ACAP3: variants seen among roughly 807,000 people sequenced by gnomAD.
ACAP3 encodes the protein arf-GAP with coiled-coil, ANK repeat and PH domain-containing protein 3.
ACAP3 carries 56 observed loss-of-function variants against 104.1 expected under a neutral mutation model. That is an observed-to-expected ratio of 0.54 (90% CI 0.43 to 0.67). The LOEUF (loss-of-function observed/expected upper bound fraction) is 0.67. ACAP3 is among the 30% of genes least tolerant of loss of function. The pLI is 0.00. For missense variants in ACAP3, 1,208 were observed against 1,174.9 expected (o/e 1.03, Z -0.41); for synonymous variants, 628 against 496.2 (o/e 1.27, Z -3.53).
At chr1:1,307,273 C>A in intron 1 of ACAP3, 1 of 1,288,676 alleles carries the variant, frequency 7.8e-7, no homozygotes, top group Non-Finnish European at 1.0e-6. Context: ...CGCCGCTCTT[C>A]TCGGCCGCCA....
chr1:1,304,429 G>C, intron 1 of ACAP3: 1 of 547,020 alleles, frequency 1.8e-6, no homozygotes, highest in African/African-American at 1.9e-5. Flanking sequence ...AGTCCCTCAG[G>C]GACAGTGCCC....
At chr1:1,302,833 C>G (rs1011225753) in intron 4 of ACAP3, 89 bp downstream of exon 4, 43 of 773,052 alleles carry the variant, frequency 5.6e-5, no homozygotes, top group Non-Finnish European at 7.8e-5. Context: ...AACGTGCCCC[C>G]CCCAACCCGA....
intron 5 of ACAP3, 40 bp from the exon 6 acceptor site, chr1:1,300,732 G>T (rs1312916020): frequency 1.9e-6 from 3 of 1,578,032 alleles, no homozygotes; most frequent in South Asian, 1.2e-5. Context: ...GATCAGGGAG[G>T]GCACCTGCTG....
intron 1 of ACAP3, chr1:1,304,464 C>T (rs940027781): frequency 1.6e-5 from 8 of 490,538 alleles, no homozygotes; most frequent in South Asian, 4.2e-5. Flanking sequence ...CAGCCTCACC[C>T]GCCTCTCCTC....
chr1:1,293,965 G>GCA (rs1553161509), intron 22 of ACAP3, 32 bp from the exon 23 acceptor site: 1 of 1,467,122 alleles, frequency 6.8e-7, no homozygotes, highest in Non-Finnish European at 9.1e-7. Context: ...GCGTGTCGGG[G>GCA]CGGGGCGGGG....
rs2274264 is a variant in ACAP3, at chr1:1,307,088, G to A, written c.47+681C>T. ...GGTGCGCACTTGGGGATGCAGAGAG[G>A]TTTCTTTGCCTCCATTGTCGTTTGC... On this transcript the variant is annotated intron_variant, in intron 1 of 23. Transcript: ENST00000354700. 0.043 allele frequency: 41,722 copies of A among 979,458 alleles called. 5,554 individuals carry two copies. In the East Asian group the frequency reaches 0.57, roughly 13 times the overall value. The allele number at this position is 979,458 out of a possible 1,614,324, so 60.7% of individuals were successfully genotyped here.
At position 1,303,122 on chromosome 1, in the gene ACAP3, C is replaced by A. The variant is rs746584860; in HGVS notation, c.225+40G>T. The stretch of plus-strand genomic sequence containing the variant: ...GGGGCTGCCTCCCTCGGCCTCTCCC[C>A]CAACCCCACCTTGAGGTCAGAGGTC... On this transcript the variant is annotated intron_variant, in intron 3 of 23. Transcript: ENST00000354700. The surrounding 1 kb of genome is among the most constrained non-coding windows in gnomAD (Gnocchi z 4.0). 2 of 1,569,854 alleles carry A rather than the reference C, an allele frequency of 1.3e-6. No individual in the cohort carries two copies. Among genetic ancestry groups the A allele is most frequent in the East Asian group, 2.4e-5 (1 of 42,452 alleles).
chr1:1,304,764 C>G (rs1641616150), intron 1 of ACAP3: 1 of 152,960 alleles, frequency 6.5e-6, no homozygotes, highest in Admixed American at 6.5e-5. Context: ...GACAGCCTGA[C>G]AGTGGGGCTG....
At chr1:1,299,184 T>C (rs1641332226) in intron 10 of ACAP3, 161 bp downstream of exon 10, 1 of 946,496 alleles carries the variant, frequency 1.1e-6, no homozygotes, top group Non-Finnish European at 1.6e-6. Context: ...AATGTGGAGG[T>C]CTGGCCGGAG....
Position 1,294,477 on chromosome 1 carries a change from C to T in ACAP3, c.2064G>A (p.Leu688=). ...ARDLPALAAA[L]AHGAEVNWAD... ...CCCAGTTGACCTCGGCCCCGTGGGC[C>T]AGCGCCGCCGCCAGCGCAGGAAGGT... The change falls in exon 21 of 24, where the codon CTG becomes CTA. Residue 688 remains leucine, a synonymous_variant. Transcript: ENST00000354700. The T allele has an allele frequency of 6.4e-7, 1 of 1,551,726 alleles. No individual in the cohort carries two copies. Among genetic ancestry groups the T allele is most frequent in the Non-Finnish European group, 8.7e-7 (1 of 1,155,320 alleles).
In ACAP3 at chr1:1,303,109, C is replaced by T; in HGVS notation, c.225+53G>A. 6 of 1,562,534 alleles carry T rather than the reference C, an allele frequency of 3.8e-6. No individual in the cohort carries two copies. Among genetic ancestry groups the T allele is most frequent in the Non-Finnish European group, 5.2e-6 (6 of 1,153,526 alleles). On this transcript the variant is annotated intron_variant, in intron 3 of 23. Transcript: ENST00000354700. The surrounding 1 kb of genome is among the most constrained non-coding windows in gnomAD (Gnocchi z 4.0). ...TGGACGCCCTCAAGGGGCTGCCTCCCTCGGCCTCTCCCCCAACCCCACCTT... is the reference window on the plus strand; with the variant it reads ...TGGACGCCCTCAAGGGGCTGCCTCCTTCGGCCTCTCCCCCAACCCCACCTT...
At chr1:1,296,356 G>A (rs1641151269) in intron 15 of ACAP3, 69 bp downstream of exon 15, 1 of 1,533,968 alleles carries the variant, frequency 6.5e-7, no homozygotes, top group South Asian at 1.2e-5. Context: ...CCCCGGCCTG[G>A]CCCTCAGGGG....
chr1:1,295,186 C>T (rs1056441965), intron 19 of ACAP3, among the ~76,000 whole-genome samples: 4 of 152,264 alleles, frequency 2.6e-5, no homozygotes, highest in African/African-American at 9.6e-5. Context: ...GGCTGAGGGC[C>T]GGCTGGCAGC....
intron 14 of ACAP3, 79 bp downstream of exon 14, chr1:1,297,743 G>C: frequency 7.3e-7 from 1 of 1,360,560 alleles, no homozygotes; most frequent in Non-Finnish European, 1.0e-6. Flanking sequence ...GTGTGTGTGT[G>C]CACAGGCGCG....
intron 12 of ACAP3, 92 bp downstream of exon 12, chr1:1,298,278 C>A: frequency 6.3e-7 from 1 of 1,588,628 alleles, no homozygotes. Context: ...ACTAGTGCCC[C>A]GGCCCTGTGC....
intron 14 of ACAP3, among the ~76,000 whole-genome samples, chr1:1,297,033 A>G (rs1327779504): frequency 2.6e-5 from 4 of 151,912 alleles, no homozygotes; most frequent in African/African-American, 9.7e-5. Flanking sequence ...ACACCAGCAC[A>G]CACCCAGCTT....
chr1:1,295,673 T>C (rs1414066404), intron 18 of ACAP3, 63 bp downstream of exon 18: 1 of 1,554,154 alleles, frequency 6.4e-7, no homozygotes, highest in African/African-American at 1.4e-5. Flanking sequence ...ACCAGCCCCT[T>C]GACGGAGTCC....
intron 22 of ACAP3, 29 bp from the exon 23 acceptor site, chr1:1,293,962 G>GGGGC (rs1640980490): frequency 6.8e-7 from 1 of 1,467,378 alleles, no homozygotes; most frequent in Non-Finnish European, 9.1e-7. Context: ...GGGGCGTGTC[G>GGGGC]GGGCGGGGCG....
Position 1,294,803 on chromosome 1 carries a change from G to A in ACAP3, c.1827C>T (p.Asp609=), listed in dbSNP as rs1641043752. ...CATCCGAGCTGCCCCCAAGGCCACT[G>A]TCGCTACTCAGACCTGCAGGTCCGC... is the stretch of plus-strand genomic sequence containing the variant. ...AGAGPRSLSS[D]SGLGGSSDGS... is the part of the protein sequence containing the mutation. The change falls in exon 20 of 24, where the codon GAC becomes GAT. Residue 609 remains aspartate (D), a synonymous_variant. Transcript: ENST00000354700. 2 of 1,549,900 alleles carry A rather than the reference G, an allele frequency of 1.3e-6. No individual in the cohort carries two copies. Among genetic ancestry groups the A allele is most frequent in the South Asian group, 1.2e-5 (1 of 84,058 alleles).
Sources: gnomAD v4.1 joint callset for allele counts (sites outside exome capture counted in the v4.1 genomes callset) on GRCh38, gnomAD v4.1.1 for gene constraint, Gnocchi (gnomAD v3.1) non-coding constraint, MANE v1.5 for transcripts, NCBI Gene and HGNC (gene_info 2026-07-23, HGNC 2026-07-21) for gene names.